The following AGBL4 variants were observed in gnomAD, a reference collection of about 807,000 sequenced individuals.
AGBL4 encodes cytosolic carboxypeptidase 6.
A neutral mutation model predicts 66.4 loss-of-function variants in AGBL4; 58 were observed. That is an observed-to-expected ratio of 0.87 (90% CI 0.71 to 1.09). AGBL4 has a LOEUF of 1.09. Ranked by LOEUF, AGBL4 falls within the 50% of genes least tolerant of loss-of-function variation. AGBL4 has a pLI of 0.00. For synonymous variants in AGBL4, 234 were observed against 222.9 expected (o/e 1.05, Z -0.44); for missense variants, 579 against 631.0 (o/e 0.92, Z 0.88).
At chr1:48,610,772 C>T (rs956440200) in intron 9 of AGBL4, among the ~76,000 whole-genome samples, 5 of 152,170 alleles carry the variant, frequency 3.3e-5, no homozygotes, top group African/African-American at 1.2e-4. Context: ...TTGTAATTTT[C>T]CTCCTGCACT....
rs76384233 is a variant in AGBL4, at chr1:49,075,821, C to A, written c.378-30021G>T. ...ATTGCATATCAAATTCCTAGAATAC[C>A]AAAATAGATATTCCACTATGGTAGC... On this transcript the variant is annotated intron_variant, in intron 4 of 13. Coordinates refer to ENST00000371839, the MANE Select transcript of AGBL4 (RefSeq NM_032785.4). Among the ~76,000 whole-genome samples, 92 of 152,134 alleles carry A rather than the reference C, an allele frequency of 6.0e-4. 3 individuals are homozygous for A. The East Asian group carries it at 0.016, about 26-fold the overall frequency.
In AGBL4 at chr1:49,969,874, G is replaced by A. The variant is rs148791637; in HGVS notation, c.34+53889C>T. Among the ~76,000 whole-genome samples the A allele has an allele frequency of 1.2e-3, 182 of 152,230 alleles. 1 individual carries two copies. The highest frequency in any genetic ancestry group is 6.8e-3 in the Middle Eastern group (2 of 294). On this transcript the variant is annotated intron_variant, in intron 1 of 13. Transcript: ENST00000371839. ...ATTTGAAGCTGTCATAGTCAAAACA[G>A]TATGGTTACTGGCATAAAAACACAG...
intron 2 of AGBL4, chr1:49,842,252 G>A (rs1327705079): frequency 1.6e-5 from 7 of 443,854 alleles, no homozygotes; most frequent in Admixed American, 1.1e-4. Flanking sequence ...CCTGTACTAT[G>A]ATGTAATGCT....
chr1:49,802,755 T>A (rs947229081), intron 2 of AGBL4, among the ~76,000 whole-genome samples: 1 of 152,142 alleles, frequency 6.6e-6, no homozygotes, highest in South Asian at 2.1e-4. Context: ...GACCCAGCTT[T>A]CACTATCTTG....
At position 49,294,799 on chromosome 1, in the gene AGBL4, A is replaced by C. The variant is rs1486780803; in HGVS notation, c.283-48935T>G. Among the ~76,000 whole-genome samples the C allele has an allele frequency of 2.0e-5, 3 of 152,220 alleles. No individual in the cohort carries two copies. In the East Asian group the frequency reaches 5.8e-4, roughly 30 times the overall value. On this transcript the variant is annotated intron_variant, in intron 3 of 13. Transcript: ENST00000371839. The stretch of plus-strand genomic sequence containing the variant: ...GGTGTCATTTCCTCCGAGGAGCTTT[A>C]TTTAATCCTCAAACTCACATAGGTA...
At chr1:49,806,704 A>C (rs968302873) in intron 2 of AGBL4, among the ~76,000 whole-genome samples, 1 of 152,162 alleles carries the variant, frequency 6.6e-6, no homozygotes, top group African/African-American at 2.4e-5. Context: ...GGCATTTTGG[A>C]GATTACCAGG....
At chr1:49,617,918 A>G (rs1403597989) in intron 3 of AGBL4, among the ~76,000 whole-genome samples, 1 of 152,180 alleles carries the variant, frequency 6.6e-6, no homozygotes, top group Non-Finnish European at 1.5e-5. Context: ...GGTTTGTTAC[A>G]TAGGTATACA....
intron 4 of AGBL4, among the ~76,000 whole-genome samples, chr1:49,179,636 A>G (rs1646893402): frequency 6.6e-6 from 1 of 152,042 alleles, no homozygotes; most frequent in Non-Finnish European, 1.5e-5. Context: ...GCTGCAATTT[A>G]TAGGAAGAAC....
chr1:49,803,785 A>T (rs1453094067), intron 2 of AGBL4, among the ~76,000 whole-genome samples: 2 of 152,190 alleles, frequency 1.3e-5, no homozygotes, highest in Admixed American at 1.3e-4. Flanking sequence ...CATAATTATT[A>T]TTGACCAAAA....
At chr1:49,408,258 A>T (rs1645244803) in intron 3 of AGBL4, among the ~76,000 whole-genome samples, 1 of 152,198 alleles carries the variant, frequency 6.6e-6, no homozygotes, top group Non-Finnish European at 1.5e-5. Context: ...ACTGAGAAAT[A>T]AGCAAGAAAG....
intron 1 of AGBL4, among the ~76,000 whole-genome samples, chr1:49,991,149 A>G (rs1403232206): frequency 6.6e-6 from 1 of 152,202 alleles, no homozygotes; most frequent in African/African-American, 2.4e-5. Flanking sequence ...AGACTATTAT[A>G]TGACTGCAAT....
At chr1:48,983,822 A>G (rs1659961935) in intron 5 of AGBL4, among the ~76,000 whole-genome samples, 1 of 152,168 alleles carries the variant, frequency 6.6e-6, no homozygotes, top group Non-Finnish European at 1.5e-5. Context: ...AGAATAAGAG[A>G]GTTGATTGAA....
At chr1:48,793,988 G>C (rs1448709547) in intron 6 of AGBL4, among the ~76,000 whole-genome samples, 2 of 152,170 alleles carry the variant, frequency 1.3e-5, no homozygotes, top group Non-Finnish European at 2.9e-5. Context: ...GTTAGGTGCT[G>C]TTGGAGGAGG....
chr1:49,563,953 T>C (rs573935907), intron 3 of AGBL4, among the ~76,000 whole-genome samples: 79 of 152,340 alleles, frequency 5.2e-4, no homozygotes, highest in South Asian at 4.8e-3. Context: ...CTTTTTCTGG[T>C]TAGTAAGCTA....
chr1:49,565,499 G>A (rs185150755), intron 3 of AGBL4, among the ~76,000 whole-genome samples: 1 of 152,212 alleles, frequency 6.6e-6, no homozygotes, highest in Non-Finnish European at 1.5e-5. Context: ...GGCAGGCCTG[G>A]TGGTGACAAA....
At chr1:49,830,078 C>T (rs1350726110) in intron 2 of AGBL4, among the ~76,000 whole-genome samples, 5 of 152,116 alleles carry the variant, frequency 3.3e-5, no homozygotes, top group Admixed American at 6.6e-5. Flanking sequence ...AATAAACATA[C>T]ATGTGCATGT....
chr1:48,966,859 T>G (rs1215636671), intron 5 of AGBL4, among the ~76,000 whole-genome samples: 1 of 151,928 alleles, frequency 6.6e-6, no homozygotes, highest in African/African-American at 2.4e-5. Context: ...GCAGAAAAAT[T>G]TTACCAAAAC....
At chr1:48,777,763 G>A (rs546692051) in intron 6 of AGBL4, among the ~76,000 whole-genome samples, 2 of 152,302 alleles carry the variant, frequency 1.3e-5, no homozygotes, top group East Asian at 3.9e-4. Flanking sequence ...CCACCACTGA[G>A]CAGGGACAAC....
intron 8 of AGBL4, among the ~76,000 whole-genome samples, chr1:48,637,755 C>G (rs766076960): frequency 2.0e-4 from 30 of 152,178 alleles, no homozygotes; most frequent in Non-Finnish European, 3.7e-4. Flanking sequence ...CGTATAAATT[C>G]CCTTTTTGCT....
Sources: allele counts gnomAD v4.1 joint callset (sites outside exome capture counted in the v4.1 genomes callset), GRCh38; gene constraint gnomAD v4.1.1; transcripts MANE v1.5; gene names NCBI Gene and HGNC (gene_info 2026-07-23, HGNC 2026-07-21).